Variants in ZC2HC1B observed in about 807,000 individuals in gnomAD.
ZC2HC1B encodes zinc finger C2HC domain-containing protein 1B.
In ZC2HC1B, 36 loss-of-function variants were observed where a neutral mutation model predicts 31.0. That is an observed-to-expected ratio of 1.16 (90% CI 0.89 to 1.54). ZC2HC1B has a LOEUF of 1.54. Ranked by LOEUF, ZC2HC1B falls within the 40% of genes most tolerant of loss-of-function variation. The pLI is 0.00. For missense variants in ZC2HC1B, 260 were observed against 268.6 expected (o/e 0.97, Z 0.22); for synonymous variants, 73 against 88.0 (o/e 0.83, Z 0.95).
At chr6:143,916,695 C>G (rs1777920682) in intron 6 of ZC2HC1B, among the ~76,000 whole-genome samples, 1 of 152,206 alleles carries the variant, frequency 6.6e-6, no homozygotes, top group Non-Finnish European at 1.5e-5. Flanking sequence ...TTTGGAGCTT[C>G]AAGATTTGAC....
In ZC2HC1B at chr6:143,872,749, A is replaced by G. The variant is rs1777357188; in HGVS notation, c.28+8182A>G. Among the ~76,000 whole-genome samples, 1 of 152,176 alleles carries G rather than the reference A, an allele frequency of 6.6e-6. No homozygotes were observed. The highest frequency in any genetic ancestry group is 2.4e-5 in the African/African-American group (1 of 41,434). On this transcript the variant is annotated intron_variant, in intron 1 of 7. Coordinates refer to ENST00000237275, the MANE Select transcript of ZC2HC1B (RefSeq NM_001013623.3). The surrounding 1 kb of genome is among the most constrained non-coding windows in gnomAD (Gnocchi z 5.5). ...AGTGGAAATCCCTCATAAATCCATCAGATCTCATGAGACTCAATCACTATC... is the reference window on the plus strand; with the variant it reads ...AGTGGAAATCCCTCATAAATCCATCGGATCTCATGAGACTCAATCACTATC...
chr6:143,931,848 ACTTCTTCTT>A lies in ZC2HC1B; in HGVS notation c.599-5791_599-5783del, dbSNP rs200982467. Among the ~76,000 whole-genome samples the A allele has an allele frequency of 4.1e-4, 57 of 139,388 alleles. No homozygotes were observed. The East Asian group carries it at 4.8e-3, about 12-fold the overall frequency. 91.4% of individuals were successfully genotyped at this position (139,388 alleles called of 152,430 possible). On this transcript the variant is annotated intron_variant, in intron 6 of 7. Transcript: ENST00000237275. Reference sequence around the variant, plus strand: ...GATGAATTTCCAAGGTGTTCTTTGAACTTCTTCTTCTTCTTCTTTTTTTTTTTTTTTTTT... The same window carrying A: ...GATGAATTTCCAAGGTGTTCTTTGAACTTCTTCTTTTTTTTTTTTTTTTTT...
intron 6 of ZC2HC1B, among the ~76,000 whole-genome samples, chr6:143,906,012 G>A (rs1181138528): frequency 6.6e-6 from 1 of 152,110 alleles, no homozygotes; most frequent in Non-Finnish European, 1.5e-5. Context: ...TTTTCTTATA[G>A]CATCTTTGAA....
intron 1 of ZC2HC1B, among the ~76,000 whole-genome samples, chr6:143,875,700 C>A (rs964429794): frequency 2.7e-5 from 4 of 150,532 alleles, no homozygotes; most frequent in African/African-American, 4.9e-5. Context: ...TAGGGCCCCA[C>A]AGGAATTTTG....
intron 1 of ZC2HC1B, among the ~76,000 whole-genome samples, chr6:143,875,175 G>A (rs1319504782): frequency 6.6e-6 from 1 of 152,136 alleles, no homozygotes; most frequent in Non-Finnish European, 1.5e-5. Flanking sequence ...GAGTGACTGT[G>A]TATCCCACTG....
In ZC2HC1B at chr6:143,905,676, G is replaced by A. The variant is rs142983164; in HGVS notation, c.598+2524G>A. 2.8e-4 allele frequency among the ~76,000 whole-genome samples: 42 copies of A among 152,198 alleles called. No homozygotes were observed. Among genetic ancestry groups the A allele is most frequent in the African/African-American group, 9.9e-4 (41 of 41,534 alleles). ...TTTCAGTCTTTCAGCATTGAGTATG[G>A]TGATCTCTGTGGGTTTTACATGTAT... On this transcript the variant is annotated intron_variant, in intron 6 of 7. Transcript: ENST00000237275. This position sits in a 1 kb window ranked among gnomAD's most constrained non-coding sequence, Gnocchi z 4.2.
At chr6:143,893,126 C>A (rs1263398422) in intron 4 of ZC2HC1B, among the ~76,000 whole-genome samples, 1 of 151,820 alleles carries the variant, frequency 6.6e-6, no homozygotes, top group Non-Finnish European at 1.5e-5. Flanking sequence ...AGGAGACAAC[C>A]CAATCAGAAA....
At chr6:143,920,292 T>A (rs1429435573) in intron 6 of ZC2HC1B, among the ~76,000 whole-genome samples, 5 of 152,156 alleles carry the variant, frequency 3.3e-5, no homozygotes, top group Non-Finnish European at 7.4e-5. Flanking sequence ...AGCTCTTGTT[T>A]AGTAAACTTG....
At chr6:143,877,272 C>CTT (rs34994479) in intron 1 of ZC2HC1B, among the ~76,000 whole-genome samples, 1,863 of 42,600 alleles carry the variant, frequency 0.044, 357 homozygotes, top group East Asian at 0.11. Context: ...TTTTTAATTT[C>CTT]TTTTTTTTTT....
At chr6:143,906,816 G>A (rs1475164207) in intron 6 of ZC2HC1B, among the ~76,000 whole-genome samples, 1 of 151,578 alleles carries the variant, frequency 6.6e-6, no homozygotes, top group Non-Finnish European at 1.5e-5. Context: ...GGGTACATGT[G>A]CAGGATGTGC....
chr6:143,912,093 T>G (rs962661081), intron 6 of ZC2HC1B, among the ~76,000 whole-genome samples: 2 of 152,246 alleles, frequency 1.3e-5, no homozygotes, highest in African/African-American at 2.4e-5. Flanking sequence ...TGAAGTCCTG[T>G]ACTGTGCTTT....
At chr6:143,925,942 A>G (rs1428676168) in intron 6 of ZC2HC1B, among the ~76,000 whole-genome samples, 1 of 152,006 alleles carries the variant, frequency 6.6e-6, no homozygotes, top group African/African-American at 2.4e-5. Context: ...GATTTCTTGT[A>G]TTTCTGTGGT....
chr6:143,937,775 A>G lies in ZC2HC1B; in HGVS notation c.*14+42A>G, dbSNP rs998752628. ...ACCGCTAATCCAGCTGTTGCTGACC[A>G]GTTAATGACTTTTAAGAGAATGGAT... On this transcript the variant is annotated intron_variant, in intron 7 of 7. Transcript: ENST00000237275. 2.8e-6 allele frequency: 4 copies of G among 1,444,898 alleles called. No individual in the cohort carries two copies. The Admixed American group carries it at 9.0e-5, about 32-fold the overall frequency. 89.5% of individuals were successfully genotyped at this position (1,444,898 alleles called of 1,614,324 possible).
chr6:143,893,633 T>C (rs770042952), intron 4 of ZC2HC1B, among the ~76,000 whole-genome samples: 6 of 152,160 alleles, frequency 3.9e-5, no homozygotes, highest in Non-Finnish European at 7.4e-5. Flanking sequence ...GGAAGTCTCA[T>C]ACACTGCTGA....
At position 143,887,829 on chromosome 6, in the gene ZC2HC1B, A is replaced by G. The variant is rs1455608236; in HGVS notation, c.349+1008A>G. Reference sequence around the variant, plus strand: ...ATATTAATCTTATCAGATACAATACATGATTTGCAAATATTGTCTCCAGTT... The same window carrying G: ...ATATTAATCTTATCAGATACAATACGTGATTTGCAAATATTGTCTCCAGTT... On this transcript the variant is annotated intron_variant, in intron 4 of 7. Coordinates refer to ENST00000237275, the MANE Select transcript of ZC2HC1B (RefSeq NM_001013623.3). The surrounding 1 kb of genome is among the most constrained non-coding windows in gnomAD (Gnocchi z 5.1). Among the ~76,000 whole-genome samples, 1 of 152,066 alleles carries G rather than the reference A, an allele frequency of 6.6e-6. No individual in the cohort carries two copies. The highest frequency in any genetic ancestry group is 1.5e-5 in the Non-Finnish European group (1 of 67,974).
intron 1 of ZC2HC1B, among the ~76,000 whole-genome samples, chr6:143,875,916 C>A (rs1354333103): frequency 6.6e-6 from 1 of 150,568 alleles, no homozygotes; most frequent in African/African-American, 2.5e-5. Flanking sequence ...GAAGCTGTTT[C>A]TTCTGGCAAA....
chr6:143,917,314 A>G lies in ZC2HC1B; in HGVS notation c.598+14162A>G, dbSNP rs886811677. Among the ~76,000 whole-genome samples the G allele has an allele frequency of 2.0e-5, 3 of 152,162 alleles. No individual in the cohort carries two copies. Among genetic ancestry groups the G allele is most frequent in the African/African-American group, 7.2e-5 (3 of 41,444 alleles). On this transcript the variant is annotated intron_variant, in intron 6 of 7. Transcript: ENST00000237275. This position sits in a 1 kb window ranked among gnomAD's most constrained non-coding sequence, Gnocchi z 4.1. ...TCTTTTGTAAATTGCCCAGTCTTGG[A>G]TATGTCTTTATCAGCAGCATGAAAA...
chr6:143,864,803 G>A (rs140705323), intron 1 of ZC2HC1B, among the ~76,000 whole-genome samples: 26 of 152,350 alleles, frequency 1.7e-4, no homozygotes, highest in African/African-American at 5.3e-4. Context: ...TAGGATACTG[G>A]AGAGAATGTA....
At chr6:143,914,666 A>G (rs1582970498) in intron 6 of ZC2HC1B, among the ~76,000 whole-genome samples, 1 of 152,060 alleles carries the variant, frequency 6.6e-6, no homozygotes, top group Non-Finnish European at 1.5e-5. Flanking sequence ...GTCTCCAACT[A>G]TTGTTGTAGA....
Sources: gnomAD v4.1 joint callset for allele counts (sites outside exome capture counted in the v4.1 genomes callset) on GRCh38, gnomAD v4.1.1 for gene constraint, Gnocchi (gnomAD v3.1) non-coding constraint, MANE v1.5 for transcripts, NCBI Gene and HGNC (gene_info 2026-07-23, HGNC 2026-07-21) for gene names.